Variants in NR2F1-AS1 observed in about 807,000 individuals in gnomAD.
NR2F1-AS1 encodes the protein NR2F1 regulatory antisense RNA 1, also known as NR2F1 antisense RNA 1.
chr5:93,467,351 T>C (rs1750260633), intron 4 of NR2F1-AS1, among the ~76,000 whole-genome samples: 1 of 152,154 alleles, frequency 6.6e-6, no homozygotes, highest in East Asian at 1.9e-4. Context: ...AGAGAAGACT[T>C]GTATCATTGA....
intron 4 of NR2F1-AS1, among the ~76,000 whole-genome samples, chr5:93,513,903 A>G (rs1751350495): frequency 1.3e-5 from 2 of 152,174 alleles, no homozygotes; most frequent in Admixed American, 6.6e-5. Flanking sequence ...TACTATTTTT[A>G]GCACATGGGA....
At position 93,497,476 on chromosome 5, in the gene NR2F1-AS1, A is replaced by G. The variant is rs183771009; in HGVS notation, n.638+56285T>C. Among the ~76,000 whole-genome samples the G allele has an allele frequency of 1.6e-4, 24 of 152,304 alleles. 1 individual carries two copies. Among genetic ancestry groups the G allele is most frequent in the Admixed American group, 1.6e-3 (24 of 15,288 alleles). On this transcript the variant is annotated intron_variant and non_coding_transcript_variant, in intron 4 of 5. Coordinates refer to ENST00000660523, the Ensembl canonical transcript of NR2F1-AS1. Reference sequence around the variant, plus strand: ...ACATGCTCCGGTTTTCAACATGTGGATGAAAGGTCCTACTTTGGTAAATTC... The same window carrying G: ...ACATGCTCCGGTTTTCAACATGTGGGTGAAAGGTCCTACTTTGGTAAATTC...
At chr5:93,482,664 C>A (rs1310294745) in intron 4 of NR2F1-AS1, among the ~76,000 whole-genome samples, 1 of 152,098 alleles carries the variant, frequency 6.6e-6, no homozygotes, top group African/African-American at 2.4e-5. Context: ...CTCAGCAGAC[C>A]CCAGCCCCAT....
At chr5:93,502,658 C>T (rs1751108895) in intron 4 of NR2F1-AS1, among the ~76,000 whole-genome samples, 1 of 152,090 alleles carries the variant, frequency 6.6e-6, no homozygotes, top group South Asian at 2.1e-4. Context: ...AAAATATTTA[C>T]TCACTAGCCC....
At chr5:93,462,674 T>C (rs990402581) in intron 4 of NR2F1-AS1, among the ~76,000 whole-genome samples, 5 of 152,138 alleles carry the variant, frequency 3.3e-5, no homozygotes, top group Admixed American at 3.3e-4. Context: ...CTGATAATGA[T>C]ATGGACAATG....
intron 4 of NR2F1-AS1, among the ~76,000 whole-genome samples, chr5:93,466,800 T>G (rs1241791337): frequency 1.3e-5 from 2 of 150,052 alleles, no homozygotes; most frequent in East Asian, 3.9e-4. Flanking sequence ...AAACAAACAA[T>G]CATAAAGCCA....
intron 4 of NR2F1-AS1, among the ~76,000 whole-genome samples, chr5:93,465,889 A>G (rs1421285359): frequency 6.9e-6 from 1 of 145,708 alleles, no homozygotes; most frequent in African/African-American, 2.5e-5. Context: ...ACACTTGGAC[A>G]CAGGAAGGGG....
At chr5:93,410,039 TA>T (rs1748820877) in intron 4 of NR2F1-AS1, 1 of 152,216 alleles carries the variant, frequency 6.6e-6, no homozygotes, top group South Asian at 2.1e-4. Flanking sequence ...AAATGTGTCA[TA>T]GACACTACAT....
intron 4 of NR2F1-AS1, among the ~76,000 whole-genome samples, chr5:93,493,765 C>T (rs971362690): frequency 1.3e-5 from 2 of 151,880 alleles, no homozygotes; most frequent in African/African-American, 4.8e-5. Flanking sequence ...GTCTCTTCAA[C>T]AAATGATGCA....
At chr5:93,542,145 T>C (rs1358867933) in intron 4 of NR2F1-AS1, 1 of 146,108 alleles carries the variant, frequency 6.8e-6, no homozygotes, top group Middle Eastern at 3.2e-3. Context: ...AGATGAAAAA[T>C]GTGACCTTGA....
chr5:93,421,861 A>G (rs768290768), intron 4 of NR2F1-AS1, among the ~76,000 whole-genome samples: 4 of 152,220 alleles, frequency 2.6e-5, no homozygotes, highest in Non-Finnish European at 4.4e-5. Context: ...ATAACCATAC[A>G]TAATTGGGCT....
chr5:93,440,180 G>A (rs187153827), intron 4 of NR2F1-AS1, among the ~76,000 whole-genome samples: 8 of 149,354 alleles, frequency 5.4e-5, no homozygotes, highest in African/African-American at 7.5e-5. Flanking sequence ...TCTCTCGCTC[G>A]CTCTCTCTCT....
chr5:93,484,496 C>G (rs1373322078), intron 4 of NR2F1-AS1, among the ~76,000 whole-genome samples: 1 of 152,170 alleles, frequency 6.6e-6, no homozygotes, highest in Admixed American at 6.5e-5. Context: ...AATATAAAAA[C>G]TTACCAAATG....
At chr5:93,479,468 GT>G (rs796243719) in intron 4 of NR2F1-AS1, among the ~76,000 whole-genome samples, 13 of 152,298 alleles carry the variant, frequency 8.5e-5, no homozygotes, top group African/African-American at 2.4e-4. Context: ...AAGGAATATA[GT>G]TTTTTCAAAA....
At chr5:93,550,485 C>T (rs1441734586) in intron 4 of NR2F1-AS1, among the ~76,000 whole-genome samples, 1 of 152,182 alleles carries the variant, frequency 6.6e-6, no homozygotes, top group Non-Finnish European at 1.5e-5. Context: ...TTTAAAAATG[C>T]ACAATTTCTC....
rs551666110 is a variant in NR2F1-AS1, at chr5:93,452,215, A to G, written n.639-56673T>C. 4.9e-4 allele frequency among the ~76,000 whole-genome samples: 74 copies of G among 152,348 alleles called. 1 individual carries two copies. The highest frequency in any genetic ancestry group is 1.6e-3 in the African/African-American group (66 of 41,584). On this transcript the variant is annotated intron_variant and non_coding_transcript_variant, in intron 4 of 5. Transcript: ENST00000660523. The stretch of plus-strand genomic sequence containing the variant: ...TTACTCTTATGGAACATTAACAAAA[A>G]TCTTAAACAGTTTGACAAGGACTTT...
intron 4 of NR2F1-AS1, among the ~76,000 whole-genome samples, chr5:93,533,670 C>T (rs1171988379): frequency 1.3e-5 from 2 of 152,026 alleles, no homozygotes; most frequent in African/African-American, 2.4e-5. Flanking sequence ...CACTTTACAT[C>T]GATTAGCTGA....
chr5:93,434,702 T>A (rs1284708343), intron 4 of NR2F1-AS1, among the ~76,000 whole-genome samples: 1 of 152,240 alleles, frequency 6.6e-6, no homozygotes, highest in Non-Finnish European at 1.5e-5. Flanking sequence ...AAATGTGCTG[T>A]ATGGCAATTT....
chr5:93,480,922 T>C (rs1029287883), intron 4 of NR2F1-AS1, among the ~76,000 whole-genome samples: 3 of 151,368 alleles, frequency 2.0e-5, no homozygotes, highest in Admixed American at 1.3e-4. Context: ...AAAAATCCAA[T>C]CAAACACAAA....
Sources: gnomAD v4.1 joint callset for allele counts (sites outside exome capture counted in the v4.1 genomes callset) on GRCh38, gnomAD v4.1.1 for gene constraint, MANE v1.5 for transcripts, NCBI Gene and HGNC (gene_info 2026-07-23, HGNC 2026-07-21) for gene names.